DENND4C: variants seen among roughly 807,000 people sequenced by gnomAD.
The protein encoded by DENND4C is DENN domain-containing protein 4C.
A neutral mutation model predicts 203.0 loss-of-function variants in DENND4C; 108 were observed. The ratio of observed to expected loss-of-function variants is 0.53; its 90% CI spans 0.46 to 0.62. The LOEUF is 0.62. DENND4C is among the 20% of genes least tolerant of loss of function. The probability of loss-of-function intolerance (pLI) is 0.00; values close to 1 mark genes in which losing one functional copy is unlikely to be tolerated. For missense variants in DENND4C, 2,481 were observed against 2,301.2 expected (o/e 1.08, Z -1.60); for synonymous variants, 871 against 792.4 (o/e 1.10, Z -1.67).
chr9:19,266,170 C>T (rs199955834), intron 1 of DENND4C, among the ~76,000 whole-genome samples: 5 of 152,126 alleles, frequency 3.3e-5, no homozygotes, highest in East Asian at 1.9e-4. Context: ...AGATGGTATC[C>T]CATTGTGGTT....
intron 1 of DENND4C, among the ~76,000 whole-genome samples, chr9:19,264,748 G>C (rs1588780014): frequency 2.0e-5 from 3 of 151,218 alleles, no homozygotes; most frequent in Non-Finnish European, 4.4e-5. Context: ...AAAACACCAA[G>C]TTTTTTTTTC....
chr9:19,299,013 T>A (rs981892817), intron 7 of DENND4C, among the ~76,000 whole-genome samples: 1 of 152,100 alleles, frequency 6.6e-6, no homozygotes, highest in African/African-American at 2.4e-5. Context: ...AAATTAACCA[T>A]TTAATGAAAA....
chr9:19,291,160 C>T (rs1004934294), intron 5 of DENND4C, among the ~76,000 whole-genome samples: 12 of 151,946 alleles, frequency 7.9e-5, no homozygotes, highest in Admixed American at 7.2e-4. Context: ...ACATAGGTAC[C>T]ATAGAAAGAA....
At chr9:19,328,755 T>C (rs113165081) in intron 16 of DENND4C, among the ~76,000 whole-genome samples, 2,703 of 151,930 alleles carry the variant, frequency 0.018, 85 homozygotes, top group African/African-American at 0.062. Context: ...TTTAAGATAA[T>C]CTGTAGGAAT....
chr9:19,240,162 G>T (rs894546300), intron 1 of DENND4C, among the ~76,000 whole-genome samples: 2 of 151,960 alleles, frequency 1.3e-5, no homozygotes, highest in Non-Finnish European at 2.9e-5. Context: ...GCATCATTGG[G>T]CAATTTCTTT....
chr9:19,272,745 A>T (rs1337450321), intron 1 of DENND4C, among the ~76,000 whole-genome samples: 1 of 151,978 alleles, frequency 6.6e-6, no homozygotes, highest in East Asian at 1.9e-4. Context: ...ATGACATTGG[A>T]TTAGACATGT....
chr9:19,258,095 G>T (rs143452054), intron 1 of DENND4C, among the ~76,000 whole-genome samples: 1 of 151,206 alleles, frequency 6.6e-6, no homozygotes. Context: ...TCCAGCCTGG[G>T]CAACAGAGTA....
chr9:19,288,033 C>G (rs186222682), intron 3 of DENND4C, among the ~76,000 whole-genome samples: 1 of 152,322 alleles, frequency 6.6e-6, no homozygotes, highest in East Asian at 1.9e-4. Context: ...CACACCCAAT[C>G]CATGCATACT....
At chr9:19,268,551 T>C (rs1455088214) in intron 1 of DENND4C, among the ~76,000 whole-genome samples, 1 of 152,214 alleles carries the variant, frequency 6.6e-6, no homozygotes, top group African/African-American at 2.4e-5. Context: ...TAATTTCTCA[T>C]TGCTCATTAC....
chr9:19,237,209 A>G (rs767150232), intron 1 of DENND4C, among the ~76,000 whole-genome samples: 22 of 149,874 alleles, frequency 1.5e-4, no homozygotes, highest in African/African-American at 5.4e-4. Flanking sequence ...TTTAGTAGAG[A>G]TGGGGTTTCA....
intron 1 of DENND4C, among the ~76,000 whole-genome samples, chr9:19,265,864 T>C (rs1830389295): frequency 6.6e-6 from 1 of 152,210 alleles, no homozygotes; most frequent in Non-Finnish European, 1.5e-5. Context: ...TGTTGGACAT[T>C]TGGGTTGGTT....
intron 27 of DENND4C, chr9:19,357,667 A>T: frequency 3.8e-6 from 1 of 261,734 alleles, no homozygotes; most frequent in South Asian, 9.7e-5. Flanking sequence ...TTTGTTTAAT[A>T]AAGATGAAAT....
chr9:19,341,307 C>G (rs1054192740), intron 21 of DENND4C, among the ~76,000 whole-genome samples, 193 bp downstream of exon 21: 1 of 132,670 alleles, frequency 7.5e-6, no homozygotes, highest in African/African-American at 2.9e-5. Flanking sequence ...AACTTTCTTT[C>G]TTTCTTTTTT....
chr9:19,332,265 A>G, intron 17 of DENND4C, 81 bp downstream of exon 17: 1 of 1,207,420 alleles, frequency 8.3e-7, no homozygotes, highest in African/African-American at 1.5e-5. Context: ...AAGTTGCTTT[A>G]AAGTGTGCTC....
rs757966152 is a variant in DENND4C at position 19,316,607 on chromosome 9, A to G, written c.1589-14A>G. 5 of 1,609,848 alleles carry G rather than the reference A, an allele frequency of 3.1e-6. No homozygotes were observed. In the South Asian group the frequency reaches 3.3e-5, roughly 11 times the overall value. On this transcript the variant is annotated splice_polypyrimidine_tract_variant and intron_variant, in intron 11 of 32. Transcript: ENST00000434457. The stretch of plus-strand genomic sequence containing the variant: ...TAACATAATACCATTTTCTGTTTTT[A>G]TTTCCTTTGTTAGTTCACCAAAAAA...
chr9:19,319,626 T>C (rs1250017035), intron 12 of DENND4C, among the ~76,000 whole-genome samples: 1 of 151,590 alleles, frequency 6.6e-6, no homozygotes, highest in African/African-American at 2.4e-5. Flanking sequence ...AGATGAAGAA[T>C]ATGGATTGTA....
rs183440309 is a variant in DENND4C at position 19,239,282 on chromosome 9, T to G, written c.-18+8449T>G. ...ACTGTTTTAGCCACATCTCATAAAT[T>G]GATTTCTTCTTTTCATTCAGTTCAA... On this transcript the variant is annotated intron_variant, in intron 1 of 32. Coordinates refer to ENST00000434457, the MANE Select transcript of DENND4C (RefSeq NM_001330640.2). Among the ~76,000 whole-genome samples, 31 of 152,252 alleles carry G rather than the reference T, an allele frequency of 2.0e-4. No individual in the cohort carries two copies. The East Asian group carries it at 5.8e-3, about 28-fold the overall frequency.
chr9:19,308,425 T>C (rs1840106087), intron 10 of DENND4C, among the ~76,000 whole-genome samples: 1 of 152,206 alleles, frequency 6.6e-6, no homozygotes, highest in African/African-American at 2.4e-5. Flanking sequence ...TAGTAGCAAA[T>C]GGAGGATTTT....
intron 22 of DENND4C, among the ~76,000 whole-genome samples, chr9:19,343,757 A>C (rs939200189): frequency 8.5e-5 from 13 of 152,242 alleles, no homozygotes; most frequent in Non-Finnish European, 7.3e-5. Context: ...GAATCCTCTC[A>C]AAATATTGAA....
Sources: gnomAD v4.1 joint callset for allele counts (sites outside exome capture counted in the v4.1 genomes callset) on GRCh38, gnomAD v4.1.1 for gene constraint, MANE v1.5 for transcripts, NCBI Gene and HGNC (gene_info 2026-07-23, HGNC 2026-07-21) for gene names.